The following PTCSC3 variants were observed in gnomAD, a reference collection of about 807,000 sequenced individuals.
PTCSC3 encodes the protein papillary thyroid carcinoma susceptibility candidate 3 (non-protein coding).
chr14:36,151,187 C>G (rs926569213), intron 3 of PTCSC3, among the ~76,000 whole-genome samples: 1 of 152,128 alleles, frequency 6.6e-6, no homozygotes, highest in African/African-American at 2.4e-5. Flanking sequence ...TCTTTCAACA[C>G]TTTAAATACT....
At position 36,165,295 on chromosome 14, in the gene PTCSC3, G is replaced by C. The variant is rs141324481; in HGVS notation, n.172-2612C>G. The C allele has an allele frequency of 1.2e-4, 19 of 152,284 alleles. No homozygotes were observed. In the East Asian group the frequency reaches 3.5e-3, roughly 28 times the overall value. 9.4% of individuals were successfully genotyped at this position (152,284 alleles called of 1,614,324 possible). A position where few individuals can be genotyped will look rare whatever the true frequency, so the allele number is the denominator to read the frequency against. ...AAAAGAATATGCGACACTTAGAACA[G>C]GTAAGTGTGCTTGCCCCATCAAGCC... On this transcript the variant is annotated intron_variant and non_coding_transcript_variant, in intron 1 of 3. Transcript: ENST00000556013.
At chr14:36,161,690 G>A (rs1366099514) in intron 2 of PTCSC3, among the ~76,000 whole-genome samples, 2 of 152,228 alleles carry the variant, frequency 1.3e-5, no homozygotes, top group Non-Finnish European at 2.9e-5. Flanking sequence ...TCAGTCAGGA[G>A]ACATGGGGGT....
intron 1 of PTCSC3, among the ~76,000 whole-genome samples, chr14:36,170,684 G>T (rs1882175394): frequency 6.6e-6 from 1 of 152,070 alleles, no homozygotes; most frequent in Non-Finnish European, 1.5e-5. Context: ...AACTTCCTCT[G>T]GGATCCTGGA....
At chr14:36,161,934 C>T (rs1881964631) in intron 2 of PTCSC3, among the ~76,000 whole-genome samples, 1 of 152,230 alleles carries the variant, frequency 6.6e-6, no homozygotes, top group South Asian at 2.1e-4. Flanking sequence ...GAGACGCAGT[C>T]TGGCTGCAGT....
At chr14:36,141,161 A>T (rs1269778613) in intron 3 of PTCSC3, among the ~76,000 whole-genome samples, 1 of 152,174 alleles carries the variant, frequency 6.6e-6, no homozygotes, top group African/African-American at 2.4e-5. Context: ...GTCTGAAATA[A>T]GGTAGTGTCA....
intron 3 of PTCSC3, among the ~76,000 whole-genome samples, chr14:36,143,857 A>G (rs1881489804): frequency 6.7e-6 from 1 of 148,546 alleles, no homozygotes; most frequent in Non-Finnish European, 1.5e-5. Context: ...GAAGGGATCC[A>G]GTTTCAGCTT....
chr14:36,164,625 A>G (rs867182079), intron 1 of PTCSC3, among the ~76,000 whole-genome samples: 17 of 152,096 alleles, frequency 1.1e-4, no homozygotes, highest in African/African-American at 3.1e-4. Context: ...GTACTTGGAC[A>G]TTTACAGATT....
At chr14:36,162,285 A>AAAAT (rs1566509723) in intron 2 of PTCSC3, among the ~76,000 whole-genome samples, 2 of 139,110 alleles carry the variant, frequency 1.4e-5, no homozygotes, top group Admixed American at 1.4e-4. Flanking sequence ...AAAAAAAAAA[A>AAAAT]CTCCTGCAGC....
rs58223160 is a variant in PTCSC3, at chr14:36,162,258, G to GAAAAAAAAAAA, written n.231+355_231+365dup. Among the ~76,000 whole-genome samples, 51 of 106,522 alleles carry GAAAAAAAAAAA rather than the reference G, an allele frequency of 4.8e-4. 2 individuals are homozygous for GAAAAAAAAAAA. The highest frequency in any genetic ancestry group is 2.2e-3 in the African/African-American group (46 of 20,754). 69.9% of individuals were successfully genotyped at this position (106,522 alleles called of 152,430 possible). ...GCGTTCCAGGAGCTGCTGGGGTATG[G>GAAAAAAAAAAA]AAAAAAAAAAAAAAAAAAAAAAAAA... On this transcript the variant is annotated intron_variant and non_coding_transcript_variant, in intron 2 of 3. Coordinates refer to ENST00000556013, the Ensembl canonical transcript of PTCSC3.
intron 3 of PTCSC3, among the ~76,000 whole-genome samples, chr14:36,140,687 T>C (rs774435991): frequency 6.6e-6 from 1 of 152,220 alleles, no homozygotes; most frequent in Non-Finnish European, 1.5e-5. Context: ...GTTATCTTTT[T>C]GTGGCTCGTC....
intron 3 of PTCSC3, among the ~76,000 whole-genome samples, chr14:36,143,192 CA>C (rs1881467939): frequency 6.7e-6 from 1 of 148,608 alleles, no homozygotes; most frequent in Admixed American, 6.8e-5. Context: ...ATGGCTGGGT[CA>C]AATGGTATTT....
At chr14:36,148,107 T>C (rs1280733792) in intron 3 of PTCSC3, among the ~76,000 whole-genome samples, 2 of 152,094 alleles carry the variant, frequency 1.3e-5, no homozygotes, top group African/African-American at 4.8e-5. Flanking sequence ...AAGTTACTGC[T>C]GTCTTTTTGT....
In PTCSC3 at chr14:36,146,212, A is replaced by T. The variant is rs1331697904; in HGVS notation, n.322+7592T>A. ...GCAGAGCTGAGTTCAATTCCTGGGT[A>T]TCCTTGTTAACTTTCTGTCTCGTTG... is the stretch of plus-strand genomic sequence containing the variant. On this transcript the variant is annotated intron_variant and non_coding_transcript_variant, in intron 3 of 3. Coordinates refer to ENST00000556013, the Ensembl canonical transcript of PTCSC3. 4.9e-4 allele frequency among the ~76,000 whole-genome samples: 70 copies of T among 143,704 alleles called. No individual in the cohort carries two copies. In the South Asian group the frequency reaches 9.2e-3, roughly 19 times the overall value. 94.3% of individuals were successfully genotyped at this position (143,704 alleles called of 152,430 possible). A position where few individuals can be genotyped will look rare whatever the true frequency, so the allele number is the denominator to read the frequency against.
chr14:36,151,517 AC>A, intron 3 of PTCSC3, among the ~76,000 whole-genome samples: 1 of 152,076 alleles, frequency 6.6e-6, no homozygotes, highest in Non-Finnish European at 1.5e-5. Context: ...TGTATGTTGT[AC>A]CTTTTGTCTT....
chr14:36,161,274 T>C (rs527958404), intron 2 of PTCSC3, among the ~76,000 whole-genome samples: 1 of 152,184 alleles, frequency 6.6e-6, no homozygotes, highest in South Asian at 2.1e-4. Context: ...TGGCGAGGAG[T>C]TGTGATCCTT....
At chr14:36,157,930 C>T (rs1169139) in intron 2 of PTCSC3, among the ~76,000 whole-genome samples, 69,654 of 152,004 alleles carry the variant, frequency 0.46, 18,029 homozygotes, top group Non-Finnish European at 0.59. Flanking sequence ...TCTCTGATTT[C>T]CTTGAGCAGT....
intron 3 of PTCSC3, among the ~76,000 whole-genome samples, chr14:36,147,117 T>C (rs1008710663): frequency 2.0e-5 from 3 of 152,188 alleles, no homozygotes; most frequent in African/African-American, 7.2e-5. Context: ...ATTTCGACTT[T>C]GGTGAATCTG....
chr14:36,151,890 A>G (rs1456454257), intron 3 of PTCSC3, among the ~76,000 whole-genome samples: 1 of 152,224 alleles, frequency 6.6e-6, no homozygotes, highest in Non-Finnish European at 1.5e-5. Flanking sequence ...TGGAAGCAAG[A>G]GGGAATTTTT....
intron 3 of PTCSC3, among the ~76,000 whole-genome samples, chr14:36,150,795 T>A (rs1881704128): frequency 6.6e-6 from 1 of 152,216 alleles, no homozygotes; most frequent in Non-Finnish European, 1.5e-5. Flanking sequence ...TGCAAATACA[T>A]TATAACAAAA....
Sources: gnomAD v4.1 joint callset for allele counts (sites outside exome capture counted in the v4.1 genomes callset) on GRCh38, gnomAD v4.1.1 for gene constraint, MANE v1.5 for transcripts, NCBI Gene and HGNC (gene_info 2026-07-23, HGNC 2026-07-21) for gene names.